Variants in KATNIP observed in about 807,000 individuals in gnomAD.
KATNIP encodes katanin interacting protein, also known as katanin-interacting protein.
A neutral mutation model predicts 174.0 loss-of-function variants in KATNIP; 126 were observed. That is an observed-to-expected ratio of 0.72 (90% confidence interval 0.63 to 0.84). The LOEUF (loss-of-function observed/expected upper bound fraction) is 0.84, where lower values mean the gene tolerates loss of function less well. KATNIP is among the 40% of genes least tolerant of loss of function. The pLI is 0.00. For missense variants in KATNIP, 1,958 were observed against 2,109.7 expected, an observed-to-expected ratio of 0.93 and a Z score of 1.41; for synonymous variants, 810 against 835.7, an observed-to-expected ratio of 0.97 and a Z score of 0.53.
rs115449451 is a variant in KATNIP, at chr16:27,707,841, T to G, written c.1390-864T>G. The stretch of plus-strand genomic sequence containing the variant: ...TGTGCATCCTTGGTGTGTCTCTCTG[T>G]GTGTCCAACTTTCCTCTTATAAGGA... On this transcript the variant is annotated intron_variant, in intron 12 of 27. Transcript: ENST00000261588. Among the ~76,000 whole-genome samples, 813 of 152,368 alleles carry G rather than the reference T, an allele frequency of 5.3e-3. 6 individuals carry two copies. The highest frequency in any genetic ancestry group is 0.019 in the African/African-American group (779 of 41,582).
intron 15 of KATNIP, among the ~76,000 whole-genome samples, chr16:27,745,151 G>A (rs1460344338): frequency 6.6e-6 from 1 of 152,162 alleles, no homozygotes; most frequent in African/African-American, 2.4e-5. Flanking sequence ...AGGTGGAGGA[G>A]ATCTCATCAG....
rs1049033471 is a variant in KATNIP at position 27,637,641 on chromosome 16, G to A, written c.408+6479G>A. Among the ~76,000 whole-genome samples the A allele has an allele frequency of 6.6e-6, 1 of 152,112 alleles. No homozygotes were observed. Among genetic ancestry groups the A allele is most frequent in the Non-Finnish European group, 1.5e-5 (1 of 68,020 alleles). ...CAGGTGAGGGGACAGTGAGAGCAGC[G>A]GGCACTGGGCACAGGCTGAGAGGAG... On this transcript the variant is annotated intron_variant, in intron 5 of 27. Coordinates refer to ENST00000261588, the MANE Select transcript of KATNIP (RefSeq NM_015202.5). This position sits in a 1 kb window ranked among gnomAD's most constrained non-coding sequence, Gnocchi z 4.7.
chr16:27,720,924 T>C (rs546005350), intron 13 of KATNIP, among the ~76,000 whole-genome samples: 1 of 152,270 alleles, frequency 6.6e-6, no homozygotes, highest in East Asian at 1.9e-4. Context: ...AAAGCACTCA[T>C]GACATGCAAT....
At position 27,777,146 on chromosome 16, in the gene KATNIP, A is replaced by C; in HGVS notation, c.4551+117A>C. The C allele has an allele frequency of 1.4e-6, 1 of 707,430 alleles. No individual in the cohort carries two copies. The highest frequency in any genetic ancestry group is 1.7e-5 in the South Asian group (1 of 57,558). 43.8% of individuals were successfully genotyped at this position (707,430 alleles called of 1,614,324 possible). ...TCTCTCTGTTGCAACCCTCAACACA[A>C]ATGCCTGGTCGTCAGATGCAGGCGA... is the stretch of plus-strand genomic sequence containing the variant. On this transcript the variant is annotated intron_variant, in intron 25 of 27. Coordinates refer to ENST00000261588, the MANE Select transcript of KATNIP (RefSeq NM_015202.5). This position sits in a 1 kb window ranked among gnomAD's most constrained non-coding sequence, Gnocchi z 4.4.
At chr16:27,747,966 G>C (rs1257386882) in intron 15 of KATNIP, among the ~76,000 whole-genome samples, 1 of 152,156 alleles carries the variant, frequency 6.6e-6, no homozygotes, top group African/African-American at 2.4e-5. Flanking sequence ...GGAGATAATT[G>C]ATGGAGCCGA....
intron 6 of KATNIP, among the ~76,000 whole-genome samples, chr16:27,657,586 A>G (rs1435748833): frequency 6.6e-6 from 1 of 151,680 alleles, no homozygotes; most frequent in Non-Finnish European, 1.5e-5. Flanking sequence ...ACCTAGTTAA[A>G]AAACAAAAAA....
intron 8 of KATNIP, among the ~76,000 whole-genome samples, chr16:27,691,401 A>G (rs1289906115): frequency 6.6e-6 from 1 of 152,194 alleles, no homozygotes; most frequent in African/African-American, 2.4e-5. Flanking sequence ...AAAATGTGCA[A>G]TTTGGCTTTT....
chr16:27,671,488 T>TATA (rs774719969), intron 6 of KATNIP, among the ~76,000 whole-genome samples: 23 of 152,328 alleles, frequency 1.5e-4, no homozygotes, highest in African/African-American at 3.6e-4. Context: ...CATTCTCTAT[T>TATA]ATAAAGGATG....
At chr16:27,709,105 G>C (rs1243010110) in intron 13 of KATNIP, 185 bp downstream of exon 13, 2 of 537,552 alleles carry the variant, frequency 3.7e-6, no homozygotes, top group Non-Finnish European at 6.6e-6. Flanking sequence ...GATCATTTGA[G>C]GTCAGGAGTT....
At chr16:27,689,580 A>G (rs1187971450) in intron 8 of KATNIP, among the ~76,000 whole-genome samples, 1 of 152,194 alleles carries the variant, frequency 6.6e-6, no homozygotes, top group Non-Finnish European at 1.5e-5. Context: ...CAGTGGCAGA[A>G]TGATGACAGG....
chr16:27,768,848 CAGG>C (rs2082206242), intron 20 of KATNIP, among the ~76,000 whole-genome samples: 1 of 152,240 alleles, frequency 6.6e-6, no homozygotes, highest in South Asian at 2.1e-4. Context: ...TTCCTTTCTG[CAGG>C]AGGAGCGCCT....
chr16:27,715,690 C>T (rs1319360453), intron 13 of KATNIP, among the ~76,000 whole-genome samples: 1 of 152,144 alleles, frequency 6.6e-6, no homozygotes, highest in African/African-American at 2.4e-5. Context: ...ATTAAAGATA[C>T]TTAACATCAT....
At chr16:27,573,852 G>C in intron 1 of KATNIP, 49 bp from the exon 2 acceptor site, 1 of 1,567,038 alleles carries the variant, frequency 6.4e-7, no homozygotes, top group Non-Finnish European at 8.8e-7. Context: ...TGATAAACTA[G>C]CTGTTCTAAA....
intron 17 of KATNIP, 152 bp downstream of exon 17, chr16:27,752,076 C>T: frequency 4.1e-6 from 2 of 493,274 alleles, no homozygotes; most frequent in South Asian, 1.3e-4. Context: ...TTTTTTTGTC[C>T]TCTATGTCAT....
intron 15 of KATNIP, among the ~76,000 whole-genome samples, chr16:27,745,323 C>A (rs1446103291): frequency 6.6e-6 from 1 of 152,212 alleles, no homozygotes; most frequent in African/African-American, 2.4e-5. Context: ...TGGGCCCTAC[C>A]TCTTCTTCTC....
At chr16:27,721,358 A>G (rs552882283) in intron 13 of KATNIP, among the ~76,000 whole-genome samples, 200 bp from the exon 14 acceptor site, 6 of 152,258 alleles carry the variant, frequency 3.9e-5, no homozygotes, top group Non-Finnish European at 8.8e-5. Flanking sequence ...GGATGGGGTC[A>G]GTAGCCTGCT....
chr16:27,551,862 C>CAAT (rs907231975), intron 1 of KATNIP, among the ~76,000 whole-genome samples: 2 of 151,228 alleles, frequency 1.3e-5, no homozygotes, highest in Admixed American at 6.6e-5. Context: ...CAAAAAAACC[C>CAAT]AATAATAATA....
At chr16:27,606,255 T>G (rs544077498) in intron 2 of KATNIP, among the ~76,000 whole-genome samples, 1 of 151,652 alleles carries the variant, frequency 6.6e-6, no homozygotes, top group East Asian at 2.0e-4. Flanking sequence ...GCACTTGGGG[T>G]GGGTTTTGAA....
chr16:27,678,262 A>G (rs1317223252), intron 7 of KATNIP, among the ~76,000 whole-genome samples: 1 of 152,240 alleles, frequency 6.6e-6, no homozygotes, highest in Non-Finnish European at 1.5e-5. Flanking sequence ...CAGCATCTAC[A>G]TACCAGTTGG....
Sources: gnomAD v4.1 joint callset for allele counts (sites outside exome capture counted in the v4.1 genomes callset) on GRCh38, gnomAD v4.1.1 for gene constraint, Gnocchi (gnomAD v3.1) non-coding constraint, MANE v1.5 for transcripts, NCBI Gene and HGNC (gene_info 2026-07-23, HGNC 2026-07-21) for gene names.